Variants in CNKSR3 observed in about 807,000 individuals in gnomAD.
CNKSR3 encodes CNKSR family member 3, also known as connector enhancer of kinase suppressor of ras 3.
In CNKSR3, 36 loss-of-function variants were observed where a neutral mutation model predicts 67.7. The ratio of observed to expected loss-of-function variants is 0.53; its 90% CI spans 0.41 to 0.70. The LOEUF is 0.70. Among genes scored for constraint, CNKSR3 ranks in the 30% least tolerant of loss-of-function variants. The pLI is 0.00. For missense variants in CNKSR3, 630 were observed against 695.2 expected, an observed-to-expected ratio of 0.91 and a Z score of 1.05; for synonymous variants, 281 against 271.4, an observed-to-expected ratio of 1.04 and a Z score of -0.35.
At chr6:154,463,148 G>T (rs1290346962) in intron 1 of CNKSR3, among the ~76,000 whole-genome samples, 1 of 128,152 alleles carries the variant, frequency 7.8e-6, no homozygotes, top group Non-Finnish European at 1.6e-5. Flanking sequence ...GTCTCGCTCT[G>T]TCGCCCAGGT....
rs992219885 is a variant in CNKSR3 at position 154,388,939 on chromosome 6, T to TG, written c.*17414dup. 4.9e-5 allele frequency: 6 copies of TG among 121,610 alleles called. No homozygotes were observed. Among genetic ancestry groups the TG allele is most frequent in the East Asian group, 7.6e-4 (2 of 2,642 alleles). 7.5% of individuals were successfully genotyped at this position (121,610 alleles called of 1,614,324 possible). On this transcript the variant is annotated 3_prime_UTR_variant, in exon 13 of 13. Transcript: ENST00000607772. ...AGATCCTTGGCCCATTTGTAAAAAT[T>TG]GGGTTTTTTTTTTTTTGCTATTGAG...
At position 154,442,155 on chromosome 6, in the gene CNKSR3, T is replaced by C; in HGVS notation, c.352A>G (p.Asn118Asp). 1.2e-6 allele frequency: 2 copies of C among 1,614,056 alleles called. No homozygotes were observed. The highest frequency in any genetic ancestry group is 1.7e-6 in the Non-Finnish European group (2 of 1,179,978). Reference sequence around the variant, plus strand: ...TCCACCACCGAGGTCAGGAACTCATTGGGGGCCTTGCGGGAGGTGTTGCCA... The same window carrying C: ...TCCACCACCGAGGTCAGGAACTCATCGGGGGCCTTGCGGGAGGTGTTGCCA... ...YDGNTSRKAP[N>D]EFLTSVVELI... is the part of the protein sequence containing the mutation. The change falls in exon 3 of 13, where the codon AAT (asparagine) becomes GAT (aspartate). Residue 118 changes from asparagine (N) to aspartate (D), a missense_variant. Around this residue, in one of 3 missense-constraint regions of CNKSR3, gnomAD observed 189 missense variants for 205.0 expected, o/e 0.92. Transcript: ENST00000607772.
chr6:154,413,716 C>A (rs1424296216), intron 10 of CNKSR3, among the ~76,000 whole-genome samples: 3 of 152,078 alleles, frequency 2.0e-5, no homozygotes, highest in Admixed American at 1.3e-4. Flanking sequence ...AGCACGTTTT[C>A]ATTCGTTTTT....
chr6:154,420,544 C>T (rs56059101), intron 9 of CNKSR3, among the ~76,000 whole-genome samples: 23,854 of 150,894 alleles, frequency 0.16, 2,412 homozygotes, highest in East Asian at 0.38. Flanking sequence ...AAAAAATTAG[C>T]CGGGCGTAGT....
intron 4 of CNKSR3, 77 bp downstream of exon 4, chr6:154,441,214 AT>A: frequency 9.2e-7 from 1 of 1,084,298 alleles, no homozygotes; most frequent in Non-Finnish European, 1.3e-6. Context: ...TCATACCTGC[AT>A]GAAAATCCTT....
At chr6:154,406,779 C>T in intron 12 of CNKSR3, 127 bp from the exon 13 acceptor site, 1 of 779,976 alleles carries the variant, frequency 1.3e-6, no homozygotes, top group East Asian at 2.7e-5. Context: ...ACCATCCTGG[C>T]CAACATGGTG....
At chr6:154,484,594 C>CAGG in intron 1 of CNKSR3, among the ~76,000 whole-genome samples, 1 of 150,380 alleles carries the variant, frequency 6.6e-6, no homozygotes, top group Non-Finnish European at 1.5e-5. Flanking sequence ...CCCAGCTACT[C>CAGG]AGGAGGCTGA....
intron 1 of CNKSR3, among the ~76,000 whole-genome samples, chr6:154,455,751 C>A (rs866277031): frequency 6.6e-6 from 1 of 152,092 alleles, no homozygotes; most frequent in East Asian, 1.9e-4. Flanking sequence ...AAATAAGCAA[C>A]TAAACTATTG....
chr6:154,480,484 C>T (rs533005370), intron 1 of CNKSR3, among the ~76,000 whole-genome samples: 6 of 152,158 alleles, frequency 3.9e-5, no homozygotes, highest in African/African-American at 9.7e-5. Context: ...CCTTTGAGAG[C>T]GGCGGAGTCT....
intron 1 of CNKSR3, among the ~76,000 whole-genome samples, chr6:154,457,436 T>C (rs997670655): frequency 2.0e-5 from 3 of 152,160 alleles, no homozygotes; most frequent in African/African-American, 7.2e-5. Context: ...AACCCAGCAG[T>C]GGGCCAGATG....
chr6:154,443,180 G>C (rs2128717962), intron 2 of CNKSR3, among the ~76,000 whole-genome samples: 1 of 152,272 alleles, frequency 6.6e-6, no homozygotes, highest in East Asian at 1.9e-4. Flanking sequence ...TTACAGGCGT[G>C]AGCCACCGCG....
At chr6:154,438,848 T>A (rs989837848) in intron 4 of CNKSR3, among the ~76,000 whole-genome samples, 1 of 152,216 alleles carries the variant, frequency 6.6e-6, no homozygotes, top group Non-Finnish European at 1.5e-5. Flanking sequence ...ATTCATCATG[T>A]CCCAGGCATT....
intron 5 of CNKSR3, among the ~76,000 whole-genome samples, chr6:154,431,462 GC>G (rs1785367825): frequency 2.4e-5 from 3 of 123,884 alleles, no homozygotes. Flanking sequence ...AAAAAAAAAA[GC>G]CACCAAAAAC....
At chr6:154,447,213 T>C (rs1203457546) in intron 2 of CNKSR3, among the ~76,000 whole-genome samples, 1 of 152,196 alleles carries the variant, frequency 6.6e-6, no homozygotes, top group African/African-American at 2.4e-5. Context: ...TATGCACAGA[T>C]GAAAATGTTC....
At position 154,459,130 on chromosome 6, in the gene CNKSR3, GAGAGAA is replaced by G. The variant is rs376263135; in HGVS notation, c.53-8878_53-8873del. On this transcript the variant is annotated intron_variant, in intron 1 of 12. Coordinates refer to ENST00000607772, the MANE Select transcript of CNKSR3 (RefSeq NM_173515.4). ...GAAAGAAAGAAAGAGAAGAAAAAGAGAGAGAAAGAAAGAAAGAAAGAAAGGAAAGAA... is the reference window on the plus strand; with the variant it reads ...GAAAGAAAGAAAGAGAAGAAAAAGAGAGAAAGAAAGAAAGAAAGGAAAGAA... 6.1e-3 allele frequency among the ~76,000 whole-genome samples: 920 copies of G among 149,714 alleles called. 5 individuals carry two copies. Among genetic ancestry groups the G allele is most frequent in the Non-Finnish European group, 7.4e-3 (499 of 67,786 alleles).
At position 154,396,089 on chromosome 6, in the gene CNKSR3, A is replaced by G. The variant is rs1405086083; in HGVS notation, c.*10265T>C. 6.6e-6 allele frequency: 1 copy of G among 152,212 alleles called. No individual in the cohort carries two copies. The highest frequency in any genetic ancestry group is 1.9e-4 in the East Asian group (1 of 5,202). 9.4% of individuals were successfully genotyped at this position (152,212 alleles called of 1,614,324 possible). On this transcript the variant is annotated 3_prime_UTR_variant, in exon 13 of 13. Transcript: ENST00000607772. The stretch of plus-strand genomic sequence containing the variant: ...GTCCAAATCCCTCTCCTTCAATCAA[A>G]TGTTATACAACTGCAACTGTCCTCC...
intron 1 of CNKSR3, among the ~76,000 whole-genome samples, chr6:154,460,748 A>G (rs1449451326): frequency 6.6e-6 from 1 of 152,206 alleles, no homozygotes; most frequent in East Asian, 1.9e-4. Flanking sequence ...AACACCGGCA[A>G]AACTATCCTC....
At chr6:154,452,050 C>CA (rs1785845866) in intron 1 of CNKSR3, among the ~76,000 whole-genome samples, 1 of 152,216 alleles carries the variant, frequency 6.6e-6, no homozygotes, top group South Asian at 2.1e-4. Flanking sequence ...CCAGGACACT[C>CA]AGAGTCAATC....
At position 154,441,175 on chromosome 6, in the gene CNKSR3, A is replaced by T. The variant is rs552140074; in HGVS notation, c.507+117T>A. 15 of 656,974 alleles carry T rather than the reference A, an allele frequency of 2.3e-5. No individual in the cohort carries two copies. The South Asian group carries it at 3.3e-4, about 14-fold the overall frequency. 40.7% of individuals were successfully genotyped at this position (656,974 alleles called of 1,614,324 possible). On this transcript the variant is annotated intron_variant, in intron 4 of 12. Coordinates refer to ENST00000607772, the MANE Select transcript of CNKSR3 (RefSeq NM_173515.4). ...CTCTTCCCAGCTCTGATGGAAAAAA[A>T]ACTGAGGTGGGGAGAGGAGAGTAGT... is the stretch of plus-strand genomic sequence containing the variant.
Sources: gnomAD v4.1 joint callset for allele counts (sites outside exome capture counted in the v4.1 genomes callset) on GRCh38, gnomAD v4.1.1 for gene constraint, gnomAD v4.1.1 regional missense constraint, MANE v1.5 for transcripts, NCBI Gene and HGNC (gene_info 2026-07-23, HGNC 2026-07-21) for gene names.